The following SLC8A3 variants were observed in gnomAD, a reference collection of about 807,000 sequenced individuals.
SLC8A3 encodes sodium/calcium exchanger 3.
SLC8A3 carries 37 observed loss-of-function variants against 65.4 expected under a neutral mutation model. That is an observed-to-expected ratio of 0.57 (90% CI 0.44 to 0.74). SLC8A3 has a LOEUF of 0.74. Among genes scored for constraint, SLC8A3 ranks in the 30% least tolerant of loss-of-function variants. The pLI, the probability that SLC8A3 is intolerant of heterozygous loss-of-function variation, is 0.00. For synonymous variants in SLC8A3, 461 were observed against 444.5 expected, an observed-to-expected ratio of 1.04 and a Z score of -0.47; for missense variants, 1,112 against 1,172.1, an observed-to-expected ratio of 0.95 and a Z score of 0.75.
At chr14:70,073,278 C>T (rs1347692888) in intron 2 of SLC8A3, among the ~76,000 whole-genome samples, 1 of 152,000 alleles carries the variant, frequency 6.6e-6, no homozygotes, top group East Asian at 1.9e-4. Context: ...TGAGTGTTAC[C>T]CAGTTATTCT....
At chr14:70,158,211 A>C (rs999233) in intron 2 of SLC8A3, among the ~76,000 whole-genome samples, 10,165 of 152,300 alleles carry the variant, frequency 0.067, 396 homozygotes, top group African/African-American at 0.099. Context: ...AACATGAAGT[A>C]GGGTGTAAGA....
intron 2 of SLC8A3, among the ~76,000 whole-genome samples, chr14:70,095,961 A>G (rs1376325942): frequency 2.0e-5 from 3 of 151,824 alleles, no homozygotes; most frequent in Non-Finnish European, 2.9e-5. Context: ...TGCTCACTGC[A>G]ACCTCCACCT....
chr14:70,056,341 C>T (rs1020151991), intron 3 of SLC8A3, among the ~76,000 whole-genome samples: 5 of 152,156 alleles, frequency 3.3e-5, no homozygotes, highest in Admixed American at 2.6e-4. Context: ...GTCTTCCATC[C>T]CTAACGACTT....
intron 1 of SLC8A3, among the ~76,000 whole-genome samples, chr14:70,174,751 A>G (rs541273889): frequency 7.1e-6 from 1 of 140,310 alleles, no homozygotes; most frequent in Admixed American, 7.7e-5. Context: ...CACTTCTCCA[A>G]CCTCTGAGAG....
At chr14:70,149,368 T>C (rs755730865) in intron 2 of SLC8A3, among the ~76,000 whole-genome samples, 58 of 152,244 alleles carry the variant, frequency 3.8e-4, no homozygotes, top group Non-Finnish European at 7.6e-4. Flanking sequence ...CACAGCACTA[T>C]GGGAGAGTCA....
At chr14:70,077,096 A>T (rs1890600805) in intron 2 of SLC8A3, among the ~76,000 whole-genome samples, 1 of 152,202 alleles carries the variant, frequency 6.6e-6, no homozygotes, top group African/African-American at 2.4e-5. Context: ...ACTTAATTTG[A>T]TGATGGTCTG....
intron 2 of SLC8A3, among the ~76,000 whole-genome samples, chr14:70,147,644 T>A (rs1003293087): frequency 1.3e-5 from 2 of 152,124 alleles, no homozygotes; most frequent in Non-Finnish European, 2.9e-5. Context: ...ATGTGAGAGA[T>A]TCTCTCTCCC....
chr14:70,147,931 C>A (rs1896033874), intron 2 of SLC8A3, among the ~76,000 whole-genome samples: 1 of 152,204 alleles, frequency 6.6e-6, no homozygotes, highest in African/African-American at 2.4e-5. Context: ...GGTCCACCTG[C>A]CTCCAAAGCT....
At chr14:70,141,109 C>T (rs1895543587) in intron 2 of SLC8A3, among the ~76,000 whole-genome samples, 1 of 152,226 alleles carries the variant, frequency 6.6e-6, no homozygotes, top group African/African-American at 2.4e-5. Context: ...AGTACTTACT[C>T]TTGTCAGGCA....
intron 2 of SLC8A3, among the ~76,000 whole-genome samples, chr14:70,107,580 C>T (rs186864791): frequency 2.0e-5 from 3 of 152,052 alleles, no homozygotes; most frequent in African/African-American, 4.8e-5. Context: ...TTAATTCATG[C>T]GAATACCATC....
rs964759252 is a variant in SLC8A3, at chr14:70,148,031, A to G, written c.1784+18608T>C. Among the ~76,000 whole-genome samples, 126 of 152,342 alleles carry G rather than the reference A, an allele frequency of 8.3e-4. 1 individual carries two copies. Among genetic ancestry groups the G allele is most frequent in the African/African-American group, 2.9e-3 (119 of 41,584 alleles). On this transcript the variant is annotated intron_variant, in intron 2 of 6. Transcript: ENST00000356921. Reference sequence around the variant, plus strand: ...TTTTTGAAGTTTATGATGGTGCAAAAGTGATATGCATTCAGTAGAAACTAT... The same window carrying G: ...TTTTTGAAGTTTATGATGGTGCAAAGGTGATATGCATTCAGTAGAAACTAT...
chr14:70,126,779 T>C (rs1894487012), intron 2 of SLC8A3, among the ~76,000 whole-genome samples: 2 of 151,886 alleles, frequency 1.3e-5, no homozygotes, highest in South Asian at 2.1e-4. Context: ...AAATTGAAAA[T>C]GCTCCAAAAT....
Position 70,147,585 on chromosome 14 carries a change from G to A in SLC8A3, c.1784+19054C>T, listed in dbSNP as rs1325022365. Among the ~76,000 whole-genome samples the A allele has an allele frequency of 1.3e-5, 2 of 152,120 alleles. 1 individual carries two copies. Among genetic ancestry groups the A allele is most frequent in the East Asian group, 3.9e-4 (2 of 5,184 alleles). ...TTGACTATTAAGCCTTGACTTTAAG[G>A]GAAACTGTCCTGAGTGGACCTGACC... On this transcript the variant is annotated intron_variant, in intron 2 of 6. Coordinates refer to ENST00000356921, the MANE Select transcript of SLC8A3 (RefSeq NM_182932.3).
At chr14:70,070,902 T>C (rs1889949049) in intron 2 of SLC8A3, among the ~76,000 whole-genome samples, 1 of 152,214 alleles carries the variant, frequency 6.6e-6, no homozygotes, top group Non-Finnish European at 1.5e-5. Flanking sequence ...CTATAGTCAA[T>C]TTCAGGCTAC....
intron 2 of SLC8A3, among the ~76,000 whole-genome samples, chr14:70,125,767 T>A (rs78372741): frequency 0.11 from 16,096 of 152,054 alleles, 1,144 homozygotes; most frequent in Non-Finnish European, 0.16. Flanking sequence ...AGCTTTTTTT[T>A]AAAAAAGAAC....
intron 2 of SLC8A3, among the ~76,000 whole-genome samples, chr14:70,086,010 C>T (rs1891406247): frequency 2.0e-5 from 3 of 152,210 alleles, no homozygotes; most frequent in Admixed American, 2.0e-4. Flanking sequence ...CTATACTATA[C>T]TGCCTTTCAA....
chr14:70,101,948 G>T (rs554092165), intron 2 of SLC8A3, among the ~76,000 whole-genome samples: 4 of 152,136 alleles, frequency 2.6e-5, no homozygotes, highest in Admixed American at 2.6e-4. Context: ...ACAAGATAGG[G>T]TCCCTAGAAA....
intron 1 of SLC8A3, 36 bp from the exon 2 acceptor site, chr14:70,168,520 G>C: frequency 1.1e-6 from 1 of 927,024 alleles, no homozygotes. Context: ...AAGGCATGAG[G>C]AAAAAGGGGA....
chr14:70,051,603 T>C (rs1315416381), intron 4 of SLC8A3, among the ~76,000 whole-genome samples: 1 of 152,216 alleles, frequency 6.6e-6, no homozygotes, highest in East Asian at 1.9e-4. Flanking sequence ...CTGCCTGGCC[T>C]GGTTGTGACT....
Sources: allele counts gnomAD v4.1 joint callset (sites outside exome capture counted in the v4.1 genomes callset), GRCh38; gene constraint gnomAD v4.1.1; transcripts MANE v1.5; gene names NCBI Gene and HGNC (gene_info 2026-07-23, HGNC 2026-07-21).